The following TMIGD2 variants were observed in gnomAD, a reference collection of about 807,000 sequenced individuals.
TMIGD2 encodes transmembrane and immunoglobulin domain containing 2.
A neutral mutation model predicts 22.6 loss-of-function variants in TMIGD2; 18 were observed. The ratio of observed to expected loss-of-function variants is 0.80; its 90% CI spans 0.55 to 1.18. The LOEUF (loss-of-function observed/expected upper bound fraction) is 1.18. Among genes scored for constraint, TMIGD2 ranks in the 50% most tolerant of loss-of-function variants. The probability of loss-of-function intolerance (pLI) is 0.00; values close to 1 mark genes in which losing one functional copy is unlikely to be tolerated. For synonymous variants in TMIGD2, 184 were observed against 154.1 expected, an observed-to-expected ratio of 1.19 and a Z score of -1.44; for missense variants, 361 against 378.2, an observed-to-expected ratio of 0.95 and a Z score of 0.38.
chr19:4,296,451 C>T (rs553018141), intron 2 of TMIGD2, among the ~76,000 whole-genome samples: 5 of 152,300 alleles, frequency 3.3e-5, no homozygotes, highest in African/African-American at 1.2e-4. Context: ...ACCCCAACCC[C>T]CTTCTTTTGC....
At chr19:4,294,896 G>A (rs1194793807) in intron 2 of TMIGD2, 80 bp from the exon 3 acceptor site, 6 of 1,356,776 alleles carry the variant, frequency 4.4e-6, no homozygotes, top group Admixed American at 5.9e-5. Flanking sequence ...GGGGACCTAA[G>A]TGTTCCTCCT....
At chr19:4,298,604 G>A (rs546978647) in intron 1 of TMIGD2, among the ~76,000 whole-genome samples, 2 of 152,226 alleles carry the variant, frequency 1.3e-5, no homozygotes, top group Non-Finnish European at 2.9e-5. Context: ...TGGGTATGGT[G>A]GCGTGCACCG....
At chr19:4,297,047 G>T (rs1039103254) in intron 2 of TMIGD2, among the ~76,000 whole-genome samples, 12 of 146,322 alleles carry the variant, frequency 8.2e-5, no homozygotes, top group African/African-American at 2.8e-4. Flanking sequence ...TATCTGGAGG[G>T]TTTCTTCCAA....
At chr19:4,295,161 T>TGAGGCAGGAGAATCGCTTG (rs1971444647) in intron 2 of TMIGD2, among the ~76,000 whole-genome samples, 3 of 148,164 alleles carry the variant, frequency 2.0e-5, no homozygotes, top group Non-Finnish European at 4.4e-5. Context: ...CTCAGGAGGC[T>TGAGGCAGGAGAATCGCTTG]GAGGCAGGAG....
intron 2 of TMIGD2, among the ~76,000 whole-genome samples, chr19:4,297,158 C>A (rs1971472023): frequency 6.9e-6 from 1 of 144,092 alleles, no homozygotes; most frequent in South Asian, 2.3e-4. Context: ...CTCACTGCAA[C>A]CTCCCCCTCC....
chr19:4,293,258 G>A (rs1190074915), intron 4 of TMIGD2, among the ~76,000 whole-genome samples: 7 of 127,850 alleles, frequency 5.5e-5, no homozygotes, highest in Admixed American at 3.2e-4. Context: ...ACCGCGCCCG[G>A]CCTTTTTTTT....
In TMIGD2 at chr19:4,292,739, C is replaced by T. The variant is rs1212531095; in HGVS notation, c.709G>A (p.Ala237Thr). 3.1e-6 allele frequency: 5 copies of T among 1,610,082 alleles called. No individual in the cohort carries two copies. The African/African-American group carries it at 5.4e-5, about 17-fold the overall frequency. Residue 237 changes from alanine (A) to threonine (T), a missense_variant, in exon 5 of 5, where the codon GCG (alanine) becomes ACG (threonine). Ala to Thr is a moderately conservative substitution (Grantham distance 58). Transcript: ENST00000301272. ...CTCGGGCTGGGGCAGGGTCTTGACG[C>T]CAGGTGCGGCTGGCGGGGGGCCGGT...
exon 5 of TMIGD2, chr19:4,292,642 T>C (rs937329613): frequency 6.2e-7 from 1 of 1,612,614 alleles, no homozygotes; most frequent in Non-Finnish European, 8.5e-7. Context: ...CCTCGGCTGC[T>C]GGGTGGGGCT....
chr19:4,292,791 C>T (rs769601994), exon 5 of TMIGD2: 6 of 1,612,930 alleles, frequency 3.7e-6, no homozygotes, highest in South Asian at 1.1e-5. Flanking sequence ...AATAAATGCT[C>T]TGGCCCCTCT....
chr19:4,292,946 C>T, intron 4 of TMIGD2, 61 bp from the exon 5 acceptor site: 3 of 1,576,384 alleles, frequency 1.9e-6, no homozygotes, highest in African/African-American at 1.4e-5. Flanking sequence ...CTCCAGCTGA[C>T]CTCTGGGGGA....
At chr19:4,302,223 T>C (rs1459030471) in intron 1 of TMIGD2, 117 bp downstream of exon 1, 6 of 1,090,962 alleles carry the variant, frequency 5.5e-6, no homozygotes, top group Non-Finnish European at 6.5e-6. Flanking sequence ...CGGAGGGAGA[T>C]GGGCCTTATC....
At chr19:4,293,063 A>G (rs1393810429) in intron 4 of TMIGD2, among the ~76,000 whole-genome samples, 178 bp from the exon 5 acceptor site, 1 of 150,948 alleles carries the variant, frequency 6.6e-6, no homozygotes, top group Non-Finnish European at 1.5e-5. Context: ...TCCTGGGTTC[A>G]CGCCATTCTC....
intron 2 of TMIGD2, among the ~76,000 whole-genome samples, 169 bp downstream of exon 2, chr19:4,297,817 T>C (rs548038999): frequency 3.2e-4 from 48 of 150,304 alleles, no homozygotes; most frequent in African/African-American, 1.1e-3. Context: ...ATCGCGCCCC[T>C]GCACTCCAAG....
At chr19:4,299,403 T>A (rs1444505649) in intron 1 of TMIGD2, among the ~76,000 whole-genome samples, 2 of 151,752 alleles carry the variant, frequency 1.3e-5, no homozygotes, top group Non-Finnish European at 2.9e-5. Flanking sequence ...CGCTAACGCC[T>A]CCCAAAGTGC....
intron 1 of TMIGD2, 26 bp downstream of exon 1, chr19:4,302,314 G>T: frequency 3.8e-6 from 6 of 1,559,348 alleles, no homozygotes; most frequent in Non-Finnish European, 5.2e-6. Context: ...GTGGGGTTCA[G>T]AGGGGAGGGA....
chr19:4,293,664 A>G (rs1184724190), intron 4 of TMIGD2, among the ~76,000 whole-genome samples: 2 of 148,404 alleles, frequency 1.3e-5, no homozygotes, highest in Non-Finnish European at 3.0e-5. Flanking sequence ...TGGGGAAACT[A>G]TAGCTCACTG....
chr19:4,294,948 CCT>C (rs1333850066), intron 2 of TMIGD2, 132 bp from the exon 3 acceptor site: 16 of 888,872 alleles, frequency 1.8e-5, no homozygotes, highest in Admixed American at 7.5e-5. Flanking sequence ...TCACTCTGAA[CCT>C]CTGTTTCTTC....
chr19:4,294,998 G>A (rs1264182021), intron 2 of TMIGD2, among the ~76,000 whole-genome samples, 182 bp from the exon 3 acceptor site: 2 of 151,864 alleles, frequency 1.3e-5, no homozygotes, highest in Admixed American at 1.3e-4. Context: ...CGGTGGCTCA[G>A]GCCTGTAATC....
At chr19:4,294,221 C>G (rs1409607124) in intron 4 of TMIGD2, among the ~76,000 whole-genome samples, 9 of 152,038 alleles carry the variant, frequency 5.9e-5, no homozygotes, top group Non-Finnish European at 1.0e-4. Context: ...GCGTCTGCCA[C>G]CACACCTAGC....
Sources: gnomAD v4.1 joint callset for allele counts (sites outside exome capture counted in the v4.1 genomes callset) on GRCh38, gnomAD v4.1.1 for gene constraint, MANE v1.5 for transcripts, NCBI Gene and HGNC (gene_info 2026-07-23, HGNC 2026-07-21) for gene names.